Variants in NMUR1 observed in about 807,000 individuals in gnomAD.
NMUR1 encodes neuromedin-U receptor 1.
Under a neutral mutation model 18.8 loss-of-function variants are expected in NMUR1, and 16 were observed. That is an observed-to-expected ratio of 0.85 (90% CI 0.58 to 1.29). The LOEUF (loss-of-function observed/expected upper bound fraction) is 1.29, where lower values mean the gene tolerates loss of function less well. Among genes scored for constraint, NMUR1 ranks in the 50% most tolerant of loss-of-function variants. NMUR1 has a pLI of 0.00. For missense variants in NMUR1, 529 were observed against 580.3 expected (o/e 0.91, Z 0.91); for synonymous variants, 258 against 258.2 (o/e 1.00, Z 0.01).
rs1390455186 is a variant in NMUR1, at chr2:231,527,424, C to G, written c.898+699G>C. 3.3e-5 allele frequency among the ~76,000 whole-genome samples: 5 copies of G among 152,300 alleles called. No individual in the cohort carries two copies. The East Asian group carries it at 9.6e-4, about 29-fold the overall frequency. ...TTGGGAGGCTGAGGTGGGAGGATCA[C>G]TTGAGACCAGGAGTTCAAGATCCGC... is the stretch of plus-strand genomic sequence containing the variant. On this transcript the variant is annotated intron_variant, in intron 2 of 2. Coordinates refer to ENST00000305141, the MANE Select transcript of NMUR1 (RefSeq NM_006056.5).
At chr2:231,520,805 C>T (rs1445698772), downstream of NMUR1, among the ~76,000 whole-genome samples, 1 of 152,206 alleles carries the variant, frequency 6.6e-6, no homozygotes, top group Non-Finnish European at 1.5e-5. Context: ...ATGTGTAGTG[C>T]TACACACTTT....
chr2:231,519,487 A>G (rs141940454), downstream of NMUR1, among the ~76,000 whole-genome samples: 663 of 152,342 alleles, frequency 4.4e-3, 5 homozygotes, highest in African/African-American at 0.015. Flanking sequence ...CACCTTGTAG[A>G]TTTAGAAACC....
chr2:231,526,188 C>T (rs1446154154), intron 2 of NMUR1, among the ~76,000 whole-genome samples: 1 of 152,202 alleles, frequency 6.6e-6, no homozygotes, highest in African/African-American at 2.4e-5. Context: ...TATGCCCTTC[C>T]CTGGGTCTCT....
chr2:231,524,842 G>A lies in NMUR1; in HGVS notation c.*201C>T, dbSNP rs187912230. 12 of 566,120 alleles carry A rather than the reference G, an allele frequency of 2.1e-5. No individual in the cohort carries two copies. The highest frequency in any genetic ancestry group is 1.5e-4 in the East Asian group (5 of 33,498). 35.1% of individuals were successfully genotyped at this position (566,120 alleles called of 1,614,324 possible). A position where few individuals can be genotyped will look rare whatever the true frequency, so the allele number is the denominator to read the frequency against. On this transcript the variant is annotated 3_prime_UTR_variant, in exon 3 of 3. Coordinates refer to ENST00000305141, the MANE Select transcript of NMUR1 (RefSeq NM_006056.5). Reference sequence around the variant, plus strand: ...ACAGATAAGAAGCACAAGGTGTGGCGTCTGGTCAGTGTGAGTCCTCAGCAG... The same window carrying A: ...ACAGATAAGAAGCACAAGGTGTGGCATCTGGTCAGTGTGAGTCCTCAGCAG...
intron 2 of NMUR1, among the ~76,000 whole-genome samples, 188 bp downstream of exon 2, chr2:231,527,935 G>A (rs1246518367): frequency 5.3e-5 from 8 of 151,830 alleles, no homozygotes; most frequent in Admixed American, 3.9e-4. Flanking sequence ...TAAGATTCTA[G>A]TAGGGTAATC....
intron 2 of NMUR1, among the ~76,000 whole-genome samples, chr2:231,527,637 C>CAAA (rs10522812): frequency 6.3e-4 from 63 of 99,730 alleles, no homozygotes; most frequent in Non-Finnish European, 7.1e-4. Context: ...GACCCTGTCT[C>CAAA]AAAAAAAAAA....
At chr2:231,521,125 A>G (rs898894503), downstream of NMUR1, among the ~76,000 whole-genome samples, 2 of 152,230 alleles carry the variant, frequency 1.3e-5, no homozygotes, top group African/African-American at 2.4e-5. Context: ...CTGTAATCCC[A>G]GTACTTTAAG....
rs1380526409 is a variant in NMUR1 at position 231,523,444 on chromosome 2, T to C, written c.*1599A>G. ...CCCCCATTCCCTGGCAAGAGAGGTTTTACATTTTTAAAATTGTTTTCATTT... is the reference window on the plus strand; with the variant it reads ...CCCCCATTCCCTGGCAAGAGAGGTTCTACATTTTTAAAATTGTTTTCATTT... On this transcript the variant is annotated 3_prime_UTR_variant, in exon 3 of 3. Coordinates refer to ENST00000305141, the MANE Select transcript of NMUR1 (RefSeq NM_006056.5). 4 of 328,518 alleles carry C rather than the reference T, an allele frequency of 1.2e-5. No homozygotes were observed. The highest frequency in any genetic ancestry group is 2.2e-5 in the Non-Finnish European group (4 of 179,676). The allele number at this position is 328,518 out of a possible 1,614,324, so 20.4% of individuals were successfully genotyped here.
rs756953497 is a variant in NMUR1, at chr2:231,524,736, C to T, written c.*307G>A. Reference sequence around the variant, plus strand: ...GAAACTGGCAGTGGTGGCAGGGAGTCCCCAGAGGGAGGACTGCTGAGCCCC... The same window carrying T: ...GAAACTGGCAGTGGTGGCAGGGAGTTCCCAGAGGGAGGACTGCTGAGCCCC... On this transcript the variant is annotated 3_prime_UTR_variant, in exon 3 of 3. Transcript: ENST00000305141. 3.3e-6 allele frequency: 1 copy of T among 301,846 alleles called. No homozygotes were observed. The highest frequency in any genetic ancestry group is 6.2e-6 in the Non-Finnish European group (1 of 161,904). The allele number at this position is 301,846 out of a possible 1,614,324, so 18.7% of individuals were successfully genotyped here.
rs149647734 is a variant in NMUR1, at chr2:231,523,496, C to T, written c.*1547G>A. On this transcript the variant is annotated 3_prime_UTR_variant, in exon 3 of 3. Transcript: ENST00000305141. The stretch of plus-strand genomic sequence containing the variant: ...TGCTTATTTGCACTTTCCAAATTTT[C>T]TATCATGAGCATTTATTATTTTTAT... 2.4e-3 allele frequency: 710 copies of T among 296,776 alleles called. 7 individuals are homozygous for T. The highest frequency in any genetic ancestry group is 0.013 in the African/African-American group (634 of 47,024). The allele number at this position is 296,776 out of a possible 1,614,324, so 18.4% of individuals were successfully genotyped here.
chr2:231,522,275 A>G (rs749723883), downstream of NMUR1, among the ~76,000 whole-genome samples: 1 of 138,560 alleles, frequency 7.2e-6, no homozygotes, highest in East Asian at 2.5e-4. Context: ...ATGAGCCACC[A>G]TGCCCGGCCC....
At chr2:231,519,020 A>C (rs2047287465), downstream of NMUR1, among the ~76,000 whole-genome samples, 1 of 152,148 alleles carries the variant, frequency 6.6e-6, no homozygotes, top group Non-Finnish European at 1.5e-5. Flanking sequence ...TCGATGCCTG[A>C]GTTCCAGCTG....
In NMUR1 at chr2:231,529,001, T is replaced by C; in HGVS notation, c.20A>G (p.Asn7Ser). The C allele has an allele frequency of 1.2e-6, 2 of 1,607,544 alleles. No homozygotes were observed. Among genetic ancestry groups the C allele is most frequent in the Non-Finnish European group, 1.7e-6 (2 of 1,175,446 alleles). ...CAGGTCTCCAGGGAGGACAGAGCAA[T>C]TGAGGCAGAGAGGAGTCTGTGGAAC... MTPLCLNCSVLPGDLYP... is the reference protein window; with the variant it reads MTPLCLSCSVLPGDLYP... Residue 7 changes from asparagine (N) to serine (S), a missense_variant, in exon 2 of 3, where the codon AAT becomes AGT. By Grantham distance (46) the Asn-to-Ser change is conservative (BLOSUM62 1). Transcript: ENST00000305141.
In NMUR1 at chr2:231,524,881, C is replaced by G. The variant is rs1030461310; in HGVS notation, c.*162G>C. The G allele has an allele frequency of 4.4e-6, 4 of 903,524 alleles. No individual in the cohort carries two copies. The East Asian group carries it at 1.1e-4, about 24-fold the overall frequency. The allele number at this position is 903,524 out of a possible 1,614,324, so 56.0% of individuals were successfully genotyped here. ...AGTCCTCAGCAGTCAGGGATCCCTC[C>G]TCCTGCTGTTTCCCTCTGAGGGAAA... On this transcript the variant is annotated 3_prime_UTR_variant, in exon 3 of 3. Transcript: ENST00000305141.
At chr2:231,521,910 G>A (rs2047307038), downstream of NMUR1, among the ~76,000 whole-genome samples, 1 of 150,936 alleles carries the variant, frequency 6.6e-6, no homozygotes, top group Admixed American at 6.6e-5. Context: ...GACAGGACCT[G>A]TTGCTGACGT....
rs372380290 is a variant in NMUR1, at chr2:231,527,264, C to T, written c.898+859G>A. 5.9e-5 allele frequency among the ~76,000 whole-genome samples: 9 copies of T among 152,342 alleles called. No homozygotes were observed. The East Asian group carries it at 1.4e-3, about 23-fold the overall frequency. ...TTTTTCACTCATCTCTAAGGAAAGA[C>T]AGCAGTTCCTCAGGAAAGAAGATGG... On this transcript the variant is annotated intron_variant, in intron 2 of 2. Coordinates refer to ENST00000305141, the MANE Select transcript of NMUR1 (RefSeq NM_006056.5).
chr2:231,530,339 G>T lies in NMUR1; in HGVS notation c.3+20C>A. 2 of 1,494,676 alleles carry T rather than the reference G, an allele frequency of 1.3e-6. No individual in the cohort carries two copies. The highest frequency in any genetic ancestry group is 1.8e-6 in the Non-Finnish European group (2 of 1,129,362). The allele number at this position is 1,494,676 out of a possible 1,614,324, so 92.6% of individuals were successfully genotyped here. The stretch of plus-strand genomic sequence containing the variant: ...GCCCAGCTGCCGCGCCCTAGCCCAC[G>T]CCGGCGCCTGCGCACCTACCATGCG... On this transcript the variant is annotated intron_variant, in intron 1 of 2. Coordinates refer to ENST00000305141, the MANE Select transcript of NMUR1 (RefSeq NM_006056.5).
Position 231,528,176 on chromosome 2 carries a change from G to C in NMUR1, c.845C>G (p.Thr282Ser), listed in dbSNP as rs928086297. The C allele has an allele frequency of 1.3e-6, 2 of 1,594,082 alleles. No individual in the cohort carries two copies. The highest frequency in any genetic ancestry group is 2.7e-5 in the African/African-American group (2 of 74,510). The change falls in exon 2 of 3, where the codon ACC becomes AGC. Residue 282 changes from threonine (T) to serine (S), a missense_variant. Coordinates refer to ENST00000305141, the MANE Select transcript of NMUR1 (RefSeq NM_006056.5). ...CCGATCGTGCTGCTGGAGCCTGCAGGTGTATCTGGACCTGGCTGCTGCAGA... is the reference window on the plus strand; with the variant it reads ...CCGATCGTGCTGCTGGAGCCTGCAGCTGTATCTGGACCTGGCTGCTGCAGA... ...RGSAAARSRY[T>S]CRLQQHDRGR...
At position 231,528,903 on chromosome 2, in the gene NMUR1, A is replaced by G; in HGVS notation, c.118T>C (p.Leu40=). Residue 40 remains leucine, a synonymous_variant, in exon 2 of 3, where the codon TTG becomes CTG. Coordinates refer to ENST00000305141, the MANE Select transcript of NMUR1 (RefSeq NM_006056.5). ...CTCAGTGCCTCGTCAGTCAGGTTCA[A>G]GTCCTCAGGGTCAAAGTGCCCCCTG... The part of the protein sequence containing the change: ...AARGHFDPED[L]NLTDEALRLK... 1.2e-6 allele frequency: 2 copies of G among 1,614,204 alleles called. No individual in the cohort carries two copies. The highest frequency in any genetic ancestry group is 8.5e-7 in the Non-Finnish European group (1 of 1,180,038).
Sources: allele counts gnomAD v4.1 joint callset (sites outside exome capture counted in the v4.1 genomes callset), GRCh38; gene constraint gnomAD v4.1.1; transcripts MANE v1.5; gene names NCBI Gene and HGNC (gene_info 2026-07-23, HGNC 2026-07-21).